Variants in MYO7A observed in about 807,000 individuals in gnomAD.
MYO7A encodes the protein myosin VIIA, also known as unconventional myosin-VIIa.
In MYO7A, 210 loss-of-function variants were observed where a neutral mutation model predicts 263.8. The observed-to-expected ratio is 0.80, with a 90% confidence interval of 0.71 to 0.89. The LOEUF (loss-of-function observed/expected upper bound fraction) is 0.89, where lower values mean the gene tolerates loss of function less well. MYO7A is among the 40% of genes least tolerant of loss of function. The probability of loss-of-function intolerance (pLI) is 0.00; values close to 1 mark genes in which losing one functional copy is unlikely to be tolerated. For synonymous variants in MYO7A, 1,239 were observed against 1,197.3 expected (o/e 1.03, Z -0.72); for missense variants, 2,820 against 2,968.3 (o/e 0.95, Z 1.16).
At chr11:77,150,597 G>A (rs1951892724) in intron 4 of MYO7A, among the ~76,000 whole-genome samples, 1 of 152,082 alleles carries the variant, frequency 6.6e-6, no homozygotes, top group Non-Finnish European at 1.5e-5. Context: ...TTATTTTCTG[G>A]GCGAGAGGGA....
intron 10 of MYO7A, 141 bp downstream of exon 10, chr11:77,159,664 C>G (rs1359445562): frequency 1.2e-6 from 1 of 828,512 alleles, no homozygotes; most frequent in East Asian, 2.6e-5. Flanking sequence ...GAGAAGCAAC[C>G]ATGTGCAGGT....
intron 19 of MYO7A, among the ~76,000 whole-genome samples, chr11:77,178,251 A>T: frequency 6.7e-6 from 1 of 149,518 alleles, no homozygotes; most frequent in Non-Finnish European, 1.5e-5. Context: ...CCATCCATCC[A>T]CCCGCCCACA....
At chr11:77,204,287 T>C in intron 39 of MYO7A, 58 bp downstream of exon 39, 15 of 1,539,574 alleles carry the variant, frequency 9.7e-6, no homozygotes, top group African/African-American at 2.7e-5. Flanking sequence ...GACGGGCAGC[T>C]CTTACCCTCC....
In MYO7A at chr11:77,181,410, G is replaced by A. The variant is rs782286796; in HGVS notation, c.2725G>A (p.Ala909Thr). ...ERLAQLARED[A>T]ERELKEKEAA... ...CCTGGCCCAGCTGGCTCGTGAGGAC[G>A]CTGAGCGGGAGCTGAAGGAGAAGGA... Residue 909 changes from alanine to threonine, a missense_variant, in exon 23 of 49, where the codon GCT (alanine) becomes ACT (threonine). Transcript: ENST00000409709. 5.7e-5 allele frequency: 90 copies of A among 1,582,386 alleles called. No homozygotes were observed. Among genetic ancestry groups the A allele is most frequent in the Admixed American group, 5.5e-5 (3 of 54,962 alleles).
At chr11:77,128,724 G>A (rs949653397) in intron 1 of MYO7A, among the ~76,000 whole-genome samples, 1 of 152,322 alleles carries the variant, frequency 6.6e-6, no homozygotes, top group East Asian at 1.9e-4. Context: ...GTTGTCCATC[G>A]AATCTTCTCT....
rs890315857 is a variant in MYO7A at position 77,205,394 on chromosome 11, G to T, written c.5481-68G>T. On this transcript the variant is annotated intron_variant, in intron 39 of 48. Coordinates refer to ENST00000409709, the MANE Select transcript of MYO7A (RefSeq NM_000260.4). ...TGAGGGGTACATGGCCCCCTCACCC[G>T]GGGGTGCACAGGTCCTGTGACTCCC... The T allele has an allele frequency of 1.5e-5, 23 of 1,510,008 alleles. No individual in the cohort carries two copies. In the South Asian group the frequency reaches 2.9e-4, roughly 19 times the overall value. The allele number at this position is 1,510,008 out of a possible 1,614,324, so 93.5% of individuals were successfully genotyped here.
chr11:77,208,671 G>A, intron 43 of MYO7A, 26 bp from the exon 44 acceptor site: 1 of 1,544,114 alleles, frequency 6.5e-7, no homozygotes, highest in Non-Finnish European at 8.8e-7. Context: ...GGGACCCTCT[G>A]GGTGACCGAC....
intron 42 of MYO7A, 97 bp downstream of exon 42, chr11:77,207,499 G>C: frequency 1.1e-6 from 1 of 922,698 alleles, no homozygotes; most frequent in Non-Finnish European, 1.7e-6. Flanking sequence ...GGGGAGAGAG[G>C]GGAAGAGGGC....
intron 32 of MYO7A, 94 bp from the exon 33 acceptor site, chr11:77,197,387 A>T: frequency 1.1e-6 from 1 of 916,498 alleles, no homozygotes; most frequent in Non-Finnish European, 1.7e-6. Flanking sequence ...CAGGAGCCCC[A>T]GGCTGCTCCT....
At chr11:77,210,988 G>A in intron 44 of MYO7A, 164 bp from the exon 45 acceptor site, 1 of 652,594 alleles carries the variant, frequency 1.5e-6, no homozygotes. Flanking sequence ...CCTGTCCTGT[G>A]CCGTATCCCC....
intron 4 of MYO7A, among the ~76,000 whole-genome samples, chr11:77,153,745 C>T (rs888586109): frequency 6.6e-6 from 1 of 152,178 alleles, no homozygotes; most frequent in Non-Finnish European, 1.5e-5. Context: ...AAATGTCACG[C>T]CCTTTCACGC....
chr11:77,144,719 A>T (rs1951447513), intron 3 of MYO7A, among the ~76,000 whole-genome samples: 1 of 152,132 alleles, frequency 6.6e-6, no homozygotes, highest in South Asian at 2.1e-4. Flanking sequence ...CCCAGAGTTC[A>T]TCAAGGGGTC....
At position 77,199,608 on chromosome 11, in the gene MYO7A, C is replaced by T. The variant is rs1296862147; in HGVS notation, c.4642C>T (p.Leu1548=). Residue 1548 remains leucine, a synonymous_variant, in exon 35 of 49, where the codon CTG becomes TTG. Coordinates refer to ENST00000409709, the MANE Select transcript of MYO7A (RefSeq NM_000260.4). ...TGCGCCTCACTCAGGCTGGGCAGGA[C>T]TGACCCCGGCGGGGCCCTGTTCTCC... is the stretch of plus-strand genomic sequence containing the variant. ...CAAPHSGWAG[L]TPAGPCSPCW... 2 of 1,599,616 alleles carry T rather than the reference C, an allele frequency of 1.3e-6. No individual in the cohort carries two copies. The highest frequency in any genetic ancestry group is 3.4e-5 in the Admixed American group (2 of 58,318).
At chr11:77,194,320 G>A (rs1301829714) in intron 31 of MYO7A, 34 bp from the exon 32 acceptor site, 3 of 1,598,362 alleles carry the variant, frequency 1.9e-6, no homozygotes, top group Middle Eastern at 1.7e-4. Flanking sequence ...GAGGGGCCTG[G>A]GCCAATGCAT....
rs762231734 is a variant in MYO7A at position 77,202,238 on chromosome 11, A to G, written c.5044-62A>G. ...AGTCCAGAAGGCTTCAGGGTATACCATGTTGATCCTGGTGGCCACAGGTAG... is the reference window on the plus strand; with the variant it reads ...AGTCCAGAAGGCTTCAGGGTATACCGTGTTGATCCTGGTGGCCACAGGTAG... On this transcript the variant is annotated intron_variant, in intron 36 of 48. Transcript: ENST00000409709. The G allele has an allele frequency of 3.8e-4, 580 of 1,518,512 alleles. 3 individuals carry two copies. Among genetic ancestry groups the G allele is most frequent in the Middle Eastern group, 2.9e-3 (17 of 5,824 alleles). The allele number at this position is 1,518,512 out of a possible 1,614,324, so 94.1% of individuals were successfully genotyped here. A position where few individuals can be genotyped will look rare whatever the true frequency, so the allele number is the denominator to read the frequency against.
At chr11:77,181,890 T>G in intron 23 of MYO7A, 61 bp from the exon 24 acceptor site, 2 of 1,491,882 alleles carry the variant, frequency 1.3e-6, no homozygotes, top group South Asian at 2.3e-5. Context: ...GCTCAGGCGA[T>G]CCTCCCACCT....
intron 32 of MYO7A, among the ~76,000 whole-genome samples, chr11:77,196,438 C>T (rs566031394): frequency 2.0e-4 from 30 of 151,400 alleles, no homozygotes; most frequent in East Asian, 3.9e-4. Context: ...GACTTTAATA[C>T]GCAAATATGG....
Position 77,159,513 on chromosome 11 carries a change from C to A in MYO7A, c.1070C>A (p.Ser357Tyr). ...TCCCCATCGCTGGCCACAGCTGCAT[C>A]CCTGCTTGAGGTCAGTGCCTGGCCT... ...LFSPSLATAA[S>Y]LLEVNPPDLM... The change falls in exon 10 of 49, where the codon TCC (serine) becomes TAC (tyrosine). Residue 357 changes from serine (S) to tyrosine (Y), a missense_variant. Transcript: ENST00000409709. 1 of 1,612,016 alleles carries A rather than the reference C, an allele frequency of 6.2e-7. No homozygotes were observed. The highest frequency in any genetic ancestry group is 1.7e-5 in the Admixed American group (1 of 59,916).
Position 77,162,860 on chromosome 11 carries a change from AC to A in MYO7A, c.1563del (p.Asp521GlufsTer8), listed in dbSNP as rs1064794012. The A allele has an allele frequency of 3.7e-5, 60 of 1,613,600 alleles. No individual in the cohort carries two copies. Among genetic ancestry groups the A allele is most frequent in the Non-Finnish European group, 5.0e-5 (59 of 1,179,816 alleles). ...TGCCCCTCCACTCCCCAGGGCACAG[AC>A]ACCACCATGTTACACAAGCTGAACT... ...DEESKFPKGT[D>X]TTMLHKLNSQ... On this transcript the variant is annotated frameshift_variant, in exon 14 of 49. Transcript: ENST00000409709. LOFTEE classifies it high-confidence loss of function.
Sources: gnomAD v4.1 joint callset for allele counts (sites outside exome capture counted in the v4.1 genomes callset) on GRCh38, gnomAD v4.1.1 for gene constraint, MANE v1.5 for transcripts, NCBI Gene and HGNC (gene_info 2026-07-23, HGNC 2026-07-21) for gene names.